The following TXNDC12 variants were observed in gnomAD, a reference collection of about 807,000 sequenced individuals.
TXNDC12 encodes thioredoxin domain containing 12, also known as thioredoxin domain-containing protein 12.
Under a neutral mutation model 24.2 loss-of-function variants are expected in TXNDC12, and 22 were observed. The ratio of observed to expected loss-of-function variants is 0.91; its 90% CI spans 0.65 to 1.30. The LOEUF (loss-of-function observed/expected upper bound fraction) is 1.30, where lower values mean the gene tolerates loss of function less well. TXNDC12 is among the 50% of genes most tolerant of loss of function. TXNDC12 has a pLI of 0.00. For synonymous variants in TXNDC12, 58 were observed against 73.4 expected, an observed-to-expected ratio of 0.79 and a Z score of 1.07; for missense variants, 184 against 205.8, an observed-to-expected ratio of 0.89 and a Z score of 0.65.
At chr1:52,030,159 C>T (rs1250005587) in intron 2 of TXNDC12, among the ~76,000 whole-genome samples, 1 of 151,994 alleles carries the variant, frequency 6.6e-6, no homozygotes, top group Non-Finnish European at 1.5e-5. Flanking sequence ...CACTTGAGCT[C>T]ACAAGTCCAA....
At position 52,055,110 on chromosome 1, in the gene TXNDC12, C is replaced by T. The variant is rs1461803518; in HGVS notation, c.-14G>A. On this transcript the variant is annotated 5_prime_UTR_variant, in exon 1 of 7. Transcript: ENST00000371626. ...CCGCGTCTCCATGGCAGTAGGTGCG[C>T]GGGGCCACGGGGCTGAGCGGACGCA... is the stretch of plus-strand genomic sequence containing the variant. 1.3e-6 allele frequency: 2 copies of T among 1,598,214 alleles called. No individual in the cohort carries two copies. Among genetic ancestry groups the T allele is most frequent in the Admixed American group, 1.7e-5 (1 of 59,846 alleles).
chr1:52,033,811 G>A, intron 2 of TXNDC12: 4 of 1,504,186 alleles, frequency 2.7e-6, no homozygotes, highest in East Asian at 2.4e-5. Context: ...CTTCCGGGTT[G>A]TACGCGTCTC....
intron 2 of TXNDC12, among the ~76,000 whole-genome samples, chr1:52,029,715 T>C (rs890946535): frequency 2.0e-5 from 3 of 152,232 alleles, no homozygotes; most frequent in Non-Finnish European, 2.9e-5. Context: ...CAAACACTTA[T>C]ATACCATTTG....
At chr1:52,054,050 T>C (rs1272674876) in intron 1 of TXNDC12, among the ~76,000 whole-genome samples, 1 of 152,160 alleles carries the variant, frequency 6.6e-6, no homozygotes, top group Non-Finnish European at 1.5e-5. Flanking sequence ...GCCTGAAATA[T>C]AGGAGGTGAT....
At chr1:52,050,740 T>C (rs1368594846) in intron 1 of TXNDC12, among the ~76,000 whole-genome samples, 1 of 152,240 alleles carries the variant, frequency 6.6e-6, no homozygotes, top group African/African-American at 2.4e-5. Context: ...ATGCAAACTA[T>C]GGCTAACAAA....
intron 6 of TXNDC12, 118 bp from the exon 7 acceptor site, chr1:52,021,130 C>G: frequency 1.4e-6 from 1 of 722,010 alleles, no homozygotes; most frequent in East Asian, 2.7e-5. Flanking sequence ...GATCTGGACT[C>G]AAGATCTAGC....
At position 52,020,899 on chromosome 1, in the gene TXNDC12, C is replaced by T; in HGVS notation, c.*34G>A. 1 of 1,554,608 alleles carries T rather than the reference C, an allele frequency of 6.4e-7. No homozygotes were observed. On this transcript the variant is annotated 3_prime_UTR_variant, in exon 7 of 7. Transcript: ENST00000371626. ...CTTCCCTGCTGCTTTCCTTCCAGAACACTAACTCTGATGAAAGAAGGGGCA... is the reference window on the plus strand; with the variant it reads ...CTTCCCTGCTGCTTTCCTTCCAGAATACTAACTCTGATGAAAGAAGGGGCA...
intron 1 of TXNDC12, chr1:52,052,712 AC>A (rs1355892493): frequency 2.6e-5 from 4 of 152,482 alleles, no homozygotes; most frequent in African/African-American, 9.6e-5. Flanking sequence ...GTGATTTATT[AC>A]ACAACAATGG....
At chr1:52,021,063 A>C in intron 6 of TXNDC12, 51 bp from the exon 7 acceptor site, 1 of 1,300,114 alleles carries the variant, frequency 7.7e-7, no homozygotes, top group Non-Finnish European at 1.1e-6. Flanking sequence ...AATGTTTGAC[A>C]TTTGACAACC....
chr1:52,020,819 T>C lies in TXNDC12; in HGVS notation c.*114A>G. 1.3e-6 allele frequency: 1 copy of C among 798,056 alleles called. No individual in the cohort carries two copies. Among genetic ancestry groups the C allele is most frequent in the Non-Finnish European group, 2.1e-6 (1 of 483,870 alleles). The allele number at this position is 798,056 out of a possible 1,614,324, so 49.4% of individuals were successfully genotyped here. ...GTGAGAGCGCTCCTTCCAGTGTAGG[T>C]AGGAATGAGGTTTCCTGGTCGGCTT... On this transcript the variant is annotated 3_prime_UTR_variant, in exon 7 of 7. Coordinates refer to ENST00000371626, the MANE Select transcript of TXNDC12 (RefSeq NM_015913.4).
intron 2 of TXNDC12, among the ~76,000 whole-genome samples, chr1:52,034,776 T>A (rs1209655403): frequency 6.6e-6 from 1 of 151,938 alleles, no homozygotes; most frequent in Non-Finnish European, 1.5e-5. Context: ...ATTATTATTA[T>A]TTTTTGAGAT....
chr1:52,024,466 T>G (rs552344311), intron 5 of TXNDC12, 44 bp downstream of exon 5: 98 of 1,454,454 alleles, frequency 6.7e-5, no homozygotes, highest in Non-Finnish European at 8.2e-5. Flanking sequence ...CATTTCTCTC[T>G]CCATCCACAT....
At chr1:52,039,595 T>C (rs946493434) in intron 2 of TXNDC12, among the ~76,000 whole-genome samples, 3 of 152,204 alleles carry the variant, frequency 2.0e-5, no homozygotes, top group African/African-American at 7.2e-5. Context: ...CCTCCTAAAG[T>C]GCTGGGATTA....
At chr1:52,055,303 A>C (rs1235300152), upstream of TXNDC12, 7 of 544,438 alleles carry the variant, frequency 1.3e-5, no homozygotes, top group Non-Finnish European at 2.3e-5. Context: ...AAAGGTGCAG[A>C]TCACGTAGAA....
intron 4 of TXNDC12, 162 bp from the exon 5 acceptor site, chr1:52,024,741 T>C: frequency 1.7e-6 from 1 of 595,474 alleles, no homozygotes; most frequent in Admixed American, 2.8e-5. Flanking sequence ...CTTAATGTCC[T>C]ACCCCTTGTT....
intron 4 of TXNDC12, among the ~76,000 whole-genome samples, chr1:52,026,154 C>T (rs1278107969): frequency 5.3e-5 from 8 of 152,144 alleles, no homozygotes; most frequent in African/African-American, 9.6e-5. Flanking sequence ...TTTACAGAAA[C>T]GTATGGCTAG....
At chr1:52,024,097 T>G (rs543324647) in intron 5 of TXNDC12, among the ~76,000 whole-genome samples, 3 of 152,080 alleles carry the variant, frequency 2.0e-5, no homozygotes, top group Admixed American at 1.3e-4. Flanking sequence ...CAGGCTCAAT[T>G]GATCCTCCCG....
chr1:52,033,845 T>C, intron 2 of TXNDC12: 1 of 1,456,790 alleles, frequency 6.9e-7, no homozygotes, highest in Admixed American at 2.7e-5. Context: ...AAGTGCAAAC[T>C]GCTCTTCCTG....
At chr1:52,054,940 G>A in intron 1 of TXNDC12, 60 bp downstream of exon 1, 1 of 1,302,950 alleles carries the variant, frequency 7.7e-7, no homozygotes, top group South Asian at 1.2e-5. Flanking sequence ...GGCAAGAAGA[G>A]ATTATACTGG....
Sources: allele counts gnomAD v4.1 joint callset (sites outside exome capture counted in the v4.1 genomes callset), GRCh38; gene constraint gnomAD v4.1.1; transcripts MANE v1.5; gene names NCBI Gene and HGNC (gene_info 2026-07-23, HGNC 2026-07-21).